MYRF: variants seen among roughly 807,000 people sequenced by gnomAD.
MYRF encodes myelin regulatory factor.
A neutral mutation model predicts 126.3 loss-of-function variants in MYRF; 16 were observed. The ratio of observed to expected loss-of-function variants is 0.13; its 90% CI spans 0.09 to 0.19. The LOEUF is 0.19. Among genes scored for constraint, MYRF ranks in the 10% least tolerant of loss-of-function variants. The pLI is 1.00. For synonymous variants in MYRF, 608 were observed against 635.3 expected (o/e 0.96, Z 0.65); for missense variants, 1,104 against 1,547.0 (o/e 0.71, Z 4.80).
In MYRF at chr11:61,778,932, A is replaced by G; in HGVS notation, c.2014-331A>G. On this transcript the variant is annotated intron_variant, in intron 14 of 26. Transcript: ENST00000278836. The surrounding 1 kb of genome is among the most constrained non-coding windows in gnomAD (Gnocchi z 4.6). ...ATAGTGAAGTGCTGACATCTGAGAC[A>G]CCAGTCATCCGAGGGGCAGATCCCG... The G allele has an allele frequency of 1.7e-6, 1 of 591,368 alleles. No homozygotes were observed. The allele number at this position is 591,368 out of a possible 1,614,324, so 36.6% of individuals were successfully genotyped here.
Position 61,778,516 on chromosome 11 carries a change from G to T in MYRF, c.2013+27G>T, listed in dbSNP as rs1194449330. 2 of 1,543,478 alleles carry T rather than the reference G, an allele frequency of 1.3e-6. No homozygotes were observed. The highest frequency in any genetic ancestry group is 1.8e-6 in the Non-Finnish European group (2 of 1,115,826). ...TCTGTGGGTGGGGGAATGGGAGGGAGCCCAGAGGCAAGTGGGGAGCCAGCT... is the reference window on the plus strand; with the variant it reads ...TCTGTGGGTGGGGGAATGGGAGGGATCCCAGAGGCAAGTGGGGAGCCAGCT... On this transcript the variant is annotated intron_variant, in intron 14 of 26. Coordinates refer to ENST00000278836, the MANE Select transcript of MYRF (RefSeq NM_001127392.3). The surrounding 1 kb of genome is among the most constrained non-coding windows in gnomAD (Gnocchi z 4.6).
intron 1 of MYRF, chr11:61,755,269 C>T (rs566262032): frequency 1.7e-5 from 19 of 1,123,200 alleles, no homozygotes; most frequent in African/African-American, 7.9e-5. Context: ...GGGGCTAAGG[C>T]GCTTTGGACC....
rs543711028 is a variant in MYRF, at chr11:61,758,095, G to C, written c.46+5305G>C. The stretch of plus-strand genomic sequence containing the variant: ...ACGAGTGCCAAGGCCTGGAGTGAGG[G>C]GGGGAGGGGCAAAGCCCCTGGGTGG... On this transcript the variant is annotated intron_variant, in intron 1 of 26. Coordinates refer to ENST00000278836, the MANE Select transcript of MYRF (RefSeq NM_001127392.3). Among the ~76,000 whole-genome samples the C allele has an allele frequency of 8.8e-3, 1,337 of 152,320 alleles. 9 individuals are homozygous for C. The highest frequency in any genetic ancestry group is 0.014 in the Non-Finnish European group (930 of 68,020).
At position 61,786,006 on chromosome 11, in the gene MYRF, T is replaced by C. The variant is rs2066684288; in HGVS notation, c.3376-57T>C. ...AGTGTCAAGCAATGTCAGCAGGGAGTGCCATCTGCCCCGCACCCCCAGAGC... is the reference window on the plus strand; with the variant it reads ...AGTGTCAAGCAATGTCAGCAGGGAGCGCCATCTGCCCCGCACCCCCAGAGC... On this transcript the variant is annotated intron_variant, in intron 26 of 26. Coordinates refer to ENST00000278836, the MANE Select transcript of MYRF (RefSeq NM_001127392.3). This position sits in a 1 kb window ranked among gnomAD's most constrained non-coding sequence, Gnocchi z 4.5. 1 of 1,571,464 alleles carries C rather than the reference T, an allele frequency of 6.4e-7. No homozygotes were observed. The highest frequency in any genetic ancestry group is 1.1e-5 in the South Asian group (1 of 90,168).
rs148069479 is a variant in MYRF at position 61,757,985 on chromosome 11, T to C, written c.46+5195T>C. Among the ~76,000 whole-genome samples the C allele has an allele frequency of 1.3e-5, 2 of 152,262 alleles. No individual in the cohort carries two copies. The highest frequency in any genetic ancestry group is 3.9e-4 in the East Asian group (2 of 5,156). ...CAGCACGGGTGGCCACGCCAGGTGATGTCCGTGCAGCCTCCTTGACCTCTC... is the reference window on the plus strand; with the variant it reads ...CAGCACGGGTGGCCACGCCAGGTGACGTCCGTGCAGCCTCCTTGACCTCTC... On this transcript the variant is annotated intron_variant, in intron 1 of 26. Transcript: ENST00000278836. This position sits in a 1 kb window ranked among gnomAD's most constrained non-coding sequence, Gnocchi z 4.7.
chr11:61,775,926 G>A (rs1015467867), intron 8 of MYRF, 130 bp from the exon 9 acceptor site: 31 of 798,568 alleles, frequency 3.9e-5, no homozygotes, highest in Middle Eastern at 2.7e-4. Context: ...TGGGAATCGC[G>A]GCTGAGGGCT....
chr11:61,753,574 A>T (rs992978377), intron 1 of MYRF, among the ~76,000 whole-genome samples: 3 of 151,864 alleles, frequency 2.0e-5, no homozygotes, highest in African/African-American at 7.3e-5. Context: ...CAGCCCTCTG[A>T]GGCTCCTCAG....
At chr11:61,765,507 G>A in intron 1 of MYRF, 118 bp from the exon 2 acceptor site, 1 of 720,916 alleles carries the variant, frequency 1.4e-6, no homozygotes, top group South Asian at 2.0e-5. Flanking sequence ...TGGGTGGGAA[G>A]GAGCAGGGGC....
chr11:61,759,514 A>T (rs1838840012), intron 1 of MYRF, among the ~76,000 whole-genome samples: 1 of 152,132 alleles, frequency 6.6e-6, no homozygotes, highest in South Asian at 2.1e-4. Flanking sequence ...TACAAAAAAT[A>T]CAACAATTAG....
chr11:61,762,833 C>T (rs912602892), intron 1 of MYRF, among the ~76,000 whole-genome samples: 1 of 152,196 alleles, frequency 6.6e-6, no homozygotes, highest in Non-Finnish European at 1.5e-5. Context: ...CTCCCCGCAA[C>T]GCTGCCCCAT....
In MYRF at chr11:61,783,730, C is replaced by G. The variant is rs1183152275; in HGVS notation, c.3120-121C>G. The G allele has an allele frequency of 1.4e-5, 19 of 1,355,124 alleles. No homozygotes were observed. Among genetic ancestry groups the G allele is most frequent in the Non-Finnish European group, 1.9e-5 (18 of 970,606 alleles). 83.9% of individuals were successfully genotyped at this position (1,355,124 alleles called of 1,614,324 possible). A position where few individuals can be genotyped will look rare whatever the true frequency, so the allele number is the denominator to read the frequency against. On this transcript the variant is annotated intron_variant, in intron 23 of 26. Transcript: ENST00000278836. This position sits in a 1 kb window ranked among gnomAD's most constrained non-coding sequence, Gnocchi z 4.6. ...TAAGGAAGGGTAGCCCCTTTCCAGG[C>G]TACCCTTGGACACTGTCTCTTCTGG... is the stretch of plus-strand genomic sequence containing the variant.
chr11:61,760,344 T>G (rs1441725619), intron 1 of MYRF, among the ~76,000 whole-genome samples: 1 of 151,768 alleles, frequency 6.6e-6, no homozygotes, highest in Non-Finnish European at 1.5e-5. Flanking sequence ...TGTAAACTGG[T>G]TGGGAGATGA....
chr11:61,780,614 C>G, intron 18 of MYRF, 98 bp from the exon 19 acceptor site: 1 of 1,221,590 alleles, frequency 8.2e-7, no homozygotes, highest in Non-Finnish European at 1.2e-6. Context: ...GCTCTGTGAG[C>G]CCACTGTCAC....
Position 61,786,417 on chromosome 11 carries a change from T to C in MYRF, c.*274T>C, listed in dbSNP as rs985268774. On this transcript the variant is annotated 3_prime_UTR_variant, in exon 27 of 27. Coordinates refer to ENST00000278836, the MANE Select transcript of MYRF (RefSeq NM_001127392.3). This position sits in a 1 kb window ranked among gnomAD's most constrained non-coding sequence, Gnocchi z 4.5. ...CCAGGACAGGACCAGTTTACCTCTTTCCAGATATGGTGGTTGGAGGGCTGG... is the reference window on the plus strand; with the variant it reads ...CCAGGACAGGACCAGTTTACCTCTTCCCAGATATGGTGGTTGGAGGGCTGG... 6.1e-6 allele frequency: 3 copies of C among 491,622 alleles called. No homozygotes were observed. Among genetic ancestry groups the C allele is most frequent in the Non-Finnish European group, 3.7e-6 (1 of 270,228 alleles). 30.5% of individuals were successfully genotyped at this position (491,622 alleles called of 1,614,324 possible). A position where few individuals can be genotyped will look rare whatever the true frequency, so the allele number is the denominator to read the frequency against.
At chr11:61,766,919 AC>A (rs1359483424) in intron 3 of MYRF, 2 of 431,392 alleles carry the variant, frequency 4.6e-6, no homozygotes, top group Non-Finnish European at 9.5e-6. Flanking sequence ...GCATTAAAAC[AC>A]TAGGTGCATG....
In MYRF at chr11:61,781,739, C is replaced by A. The variant is rs770504481; in HGVS notation, c.2931C>A (p.Ser977Arg). The change falls in exon 22 of 27, where the codon AGC (serine) becomes AGA (arginine). Residue 977 changes from serine (S) to arginine (R), a missense_variant. Transcript: ENST00000278836. Reference sequence around the variant, plus strand: ...AGGGCAAAGCCAAGAACAGTCCCAGCCTTGGTTTCCATGGCCGGGCCCGCC... The same window carrying A: ...AGGGCAAAGCCAAGAACAGTCCCAGACTTGGTTTCCATGGCCGGGCCCGCC... ...GGQGKAKNSP[S>R]LGFHGRARRG... 3.1e-6 allele frequency: 5 copies of A among 1,612,638 alleles called. No homozygotes were observed. Among genetic ancestry groups the A allele is most frequent in the Non-Finnish European group, 4.2e-6 (5 of 1,179,746 alleles).
Position 61,765,732 on chromosome 11 carries a change from G to C in MYRF, c.134+20G>C. The C allele has an allele frequency of 6.2e-7, 1 of 1,601,416 alleles. No homozygotes were observed. Among genetic ancestry groups the C allele is most frequent in the Non-Finnish European group, 8.5e-7 (1 of 1,173,028 alleles). On this transcript the variant is annotated intron_variant, in intron 2 of 26. Coordinates refer to ENST00000278836, the MANE Select transcript of MYRF (RefSeq NM_001127392.3). Reference sequence around the variant, plus strand: ...CGACCTGTGAGTGGCCCCCTCGCCCGGCCTGCACCCGCCCAGCCCCAGCCC... The same window carrying C: ...CGACCTGTGAGTGGCCCCCTCGCCCCGCCTGCACCCGCCCAGCCCCAGCCC...
In MYRF at chr11:61,777,794, A is replaced by G; in HGVS notation, c.1852A>G (p.Lys618Glu). Residue 618 changes from lysine to glutamate, a missense_variant, in exon 13 of 27, where the codon AAG becomes GAG. By Grantham distance (56) the Lys-to-Glu change is moderately conservative. This residue lies in a region of MYRF where 123 missense variants were observed against 209.1 expected (regional missense o/e 0.59). Coordinates refer to ENST00000278836, the MANE Select transcript of MYRF (RefSeq NM_001127392.3). The surrounding 1 kb of genome is among the most constrained non-coding windows in gnomAD (Gnocchi z 8.8). ...SRMRLVHYRY[K>E]PEFAASAGIE... Reference sequence around the variant, plus strand: ...CATGCGGCTGGTGCACTACAGATACAAGCCCGAGTTCGCCGCCAGCGCGGG... The same window carrying G: ...CATGCGGCTGGTGCACTACAGATACGAGCCCGAGTTCGCCGCCAGCGCGGG... 6.4e-7 allele frequency: 1 copy of G among 1,552,540 alleles called. No individual in the cohort carries two copies. The highest frequency in any genetic ancestry group is 8.7e-7 in the Non-Finnish European group (1 of 1,147,690).
chr11:61,761,029 C>A (rs144878544), intron 1 of MYRF, among the ~76,000 whole-genome samples: 94 of 152,308 alleles, frequency 6.2e-4, no homozygotes, highest in African/African-American at 2.1e-3. Context: ...CCTCTGCACC[C>A]CAGGTTCAGA....
Sources: allele counts gnomAD v4.1 joint callset (sites outside exome capture counted in the v4.1 genomes callset), GRCh38; gene constraint gnomAD v4.1.1; regional missense constraint gnomAD v4.1.1; non-coding constraint Gnocchi (gnomAD v3.1); transcripts MANE v1.5; gene names NCBI Gene and HGNC (gene_info 2026-07-23, HGNC 2026-07-21).